The following FRAS1 variants were observed in gnomAD, a reference collection of about 807,000 sequenced individuals.
FRAS1 encodes Fraser extracellular matrix complex subunit 1.
Under a neutral mutation model 435.2 loss-of-function variants are expected in FRAS1, and 290 were observed. The ratio of observed to expected loss-of-function variants is 0.67; its 90% CI spans 0.61 to 0.73. The LOEUF is 0.73. Ranked by LOEUF, FRAS1 falls within the 30% of genes least tolerant of loss-of-function variation. FRAS1 has a pLI of 0.00. For synonymous variants in FRAS1, 1,800 were observed against 1,851.0 expected, an observed-to-expected ratio of 0.97 and a Z score of 0.71; for missense variants, 4,860 against 5,001.5, an observed-to-expected ratio of 0.97 and a Z score of 0.85.
chr4:78,197,471 C>T (rs1560575981), intron 2 of FRAS1, among the ~76,000 whole-genome samples: 1 of 152,066 alleles, frequency 6.6e-6, no homozygotes, highest in Non-Finnish European at 1.5e-5. Context: ...ACTAGAATGT[C>T]AATATTTTAT....
chr4:78,529,109 G>A (rs1182334946), intron 70 of FRAS1, among the ~76,000 whole-genome samples: 1 of 152,124 alleles, frequency 6.6e-6, no homozygotes, highest in African/African-American at 2.4e-5. Flanking sequence ...GTTTGGAGGT[G>A]AGGGAGTCAA....
chr4:78,340,343 G>A (rs893927140), intron 20 of FRAS1, among the ~76,000 whole-genome samples: 5 of 152,182 alleles, frequency 3.3e-5, no homozygotes, highest in African/African-American at 1.2e-4. Context: ...AAAGACTGGT[G>A]TAATAGTATT....
At chr4:78,195,766 G>T (rs1346383084) in intron 2 of FRAS1, among the ~76,000 whole-genome samples, 1 of 152,018 alleles carries the variant, frequency 6.6e-6, no homozygotes, top group Non-Finnish European at 1.5e-5. Flanking sequence ...CACTCAGTGC[G>T]CTGCACCCAC....
intron 27 of FRAS1, among the ~76,000 whole-genome samples, 182 bp downstream of exon 27, chr4:78,380,178 C>A (rs1230507318): frequency 6.6e-6 from 1 of 152,150 alleles, no homozygotes; most frequent in East Asian, 1.9e-4. Context: ...GCTCAAAGAG[C>A]GTGCATCTGT....
intron 47 of FRAS1, among the ~76,000 whole-genome samples, chr4:78,455,088 C>G (rs144166145): frequency 6.6e-6 from 1 of 152,270 alleles, no homozygotes; most frequent in Admixed American, 6.5e-5. Context: ...AGAGCAGATA[C>G]AAGGCTCCAG....
chr4:78,432,677 C>T (rs777243164), intron 38 of FRAS1, 73 bp downstream of exon 38: 587 of 1,467,032 alleles, frequency 4.0e-4, no homozygotes, highest in Non-Finnish European at 5.0e-4. Flanking sequence ...GCAGCAATGC[C>T]ATGGCTGAAT....
chr4:78,113,679 G>A (rs893545914), intron 2 of FRAS1, among the ~76,000 whole-genome samples: 9 of 152,174 alleles, frequency 5.9e-5, no homozygotes, highest in African/African-American at 1.2e-4. Flanking sequence ...GGGGTTGTTT[G>A]TTTTTTTCTT....
intron 2 of FRAS1, among the ~76,000 whole-genome samples, chr4:78,163,240 C>A (rs1721211412): frequency 1.3e-5 from 2 of 152,060 alleles, no homozygotes; most frequent in Non-Finnish European, 2.9e-5. Context: ...TTTTATTCAC[C>A]TTTTTATGAG....
chr4:78,411,509 G>A (rs2110358292), intron 31 of FRAS1, among the ~76,000 whole-genome samples: 1 of 152,266 alleles, frequency 6.6e-6, no homozygotes, highest in East Asian at 1.9e-4. Context: ...TGGGACATAT[G>A]TAATGCCAGT....
intron 38 of FRAS1, among the ~76,000 whole-genome samples, chr4:78,437,349 A>G (rs534739193): frequency 2.0e-5 from 3 of 152,346 alleles, no homozygotes; most frequent in Admixed American, 6.5e-5. Context: ...GAGAGAACGC[A>G]CAGTAATATT....
chr4:78,386,883 G>T (rs1236885402), intron 28 of FRAS1, among the ~76,000 whole-genome samples: 1 of 152,100 alleles, frequency 6.6e-6, no homozygotes, highest in Admixed American at 6.5e-5. Context: ...CTGAGTTGGG[G>T]TGGGGCTCTG....
chr4:78,251,477 T>G (rs77673752), intron 4 of FRAS1, among the ~76,000 whole-genome samples: 2,961 of 152,302 alleles, frequency 0.019, 45 homozygotes, highest in Non-Finnish European at 0.029. Flanking sequence ...CACAATCAAA[T>G]TAATTAACTC....
Position 78,363,939 on chromosome 4 carries a change from CA to C in FRAS1, c.2608del (p.Arg870GlufsTer100). ...CHSSCRTCQGRGPFSCSSCDT... is the reference protein window; with the variant it reads ...CHSSCRTCQGXGPFSCSSCDT... The stretch of plus-strand genomic sequence containing the variant: ...ACTCCTCCTGCAGAACCTGCCAGGG[CA>C]GAGGACCTTTCTCCTGCTCCTCATG... On this transcript the variant is annotated frameshift_variant, in exon 22 of 74. Transcript: ENST00000512123. LOFTEE classifies it high-confidence loss of function. The C allele has an allele frequency of 6.2e-7, 1 of 1,613,394 alleles. No homozygotes were observed. Among genetic ancestry groups the C allele is most frequent in the Non-Finnish European group, 8.5e-7 (1 of 1,179,680 alleles).
At chr4:78,079,231 C>A (rs371938401) in intron 2 of FRAS1, among the ~76,000 whole-genome samples, 6 of 151,796 alleles carry the variant, frequency 4.0e-5, no homozygotes, top group African/African-American at 7.3e-5. Context: ...GGGGGAAAAA[C>A]CCCATTTTTT....
intron 61 of FRAS1, among the ~76,000 whole-genome samples, chr4:78,502,414 C>A (rs1348445799): frequency 6.6e-6 from 1 of 152,130 alleles, no homozygotes; most frequent in Non-Finnish European, 1.5e-5. Flanking sequence ...GTTTGTAGTT[C>A]TCCTTGAAGA....
intron 14 of FRAS1, among the ~76,000 whole-genome samples, chr4:78,298,468 T>C (rs1728251252): frequency 6.6e-6 from 1 of 152,112 alleles, no homozygotes; most frequent in Non-Finnish European, 1.5e-5. Flanking sequence ...CATATTCCTG[T>C]GTTGAAATAA....
chr4:78,496,024 T>C (rs1720499155), intron 59 of FRAS1, among the ~76,000 whole-genome samples: 1 of 152,228 alleles, frequency 6.6e-6, no homozygotes, highest in Non-Finnish European at 1.5e-5. Flanking sequence ...TCTCTACTCA[T>C]ATATCCTTTG....
Position 78,364,030 on chromosome 4 carries a change from C to G in FRAS1, c.2698C>G (p.Leu900Val). 1 of 1,596,766 alleles carries G rather than the reference C, an allele frequency of 6.3e-7. No homozygotes were observed. The highest frequency in any genetic ancestry group is 8.5e-7 in the Non-Finnish European group (1 of 1,171,154). ...CACCACCTGCTTCCCTGGGCACTAT[C>G]TTGATGACAATCATGTTTGCCAGCG... Reference protein sequence around the residue: ...CSTTCFPGHYLDDNHVCQPCN... With the variant: ...CSTTCFPGHYVDDNHVCQPCN... Residue 900 changes from leucine (L) to valine (V), a missense_variant, in exon 22 of 74, where the codon CTT (leucine) becomes GTT (valine). Coordinates refer to ENST00000512123, the MANE Select transcript of FRAS1 (RefSeq NM_025074.7).
chr4:78,475,604 C>T lies in FRAS1; in HGVS notation c.7849C>T (p.Gln2617Ter). Residue 2617 changes from glutamine to a stop codon, truncating the protein, a stop_gained and splice_region_variant, in exon 54 of 74, where the codon CAG becomes TAG. Transcript: ENST00000512123. LOFTEE classifies it high-confidence loss of function. ...GQQDYVEYAG[Q>*]VQFDEREDTK... ...ACAGGACTATGTAGAGTATGCTGGC[C>T]AGGTAGGTGGGGTAGTGGGGTTGGG... is the stretch of plus-strand genomic sequence containing the variant. 6.4e-7 allele frequency: 1 copy of T among 1,564,804 alleles called. No homozygotes were observed. Among genetic ancestry groups the T allele is most frequent in the Non-Finnish European group, 8.7e-7 (1 of 1,148,654 alleles).
Sources: gnomAD v4.1 joint callset for allele counts (sites outside exome capture counted in the v4.1 genomes callset) on GRCh38, gnomAD v4.1.1 for gene constraint, MANE v1.5 for transcripts, NCBI Gene and HGNC (gene_info 2026-07-23, HGNC 2026-07-21) for gene names.